Variants in USP54 observed in about 807,000 individuals in gnomAD.
The protein encoded by USP54 is ubiquitin specific peptidase 54.
A neutral mutation model predicts 170.5 loss-of-function variants in USP54; 87 were observed. The ratio of observed to expected loss-of-function variants is 0.51; its 90% confidence interval spans 0.43 to 0.61. USP54 has a LOEUF of 0.61. Ranked by LOEUF, USP54 falls within the 20% of genes least tolerant of loss-of-function variation. The pLI, the probability that USP54 is intolerant of heterozygous loss-of-function variation, is 0.00. For missense variants in USP54, 1,786 were observed against 2,047.8 expected, an observed-to-expected ratio of 0.87 and a Z score of 2.47; for synonymous variants, 655 against 742.8, an observed-to-expected ratio of 0.88 and a Z score of 1.92.
intron 1 of USP54, among the ~76,000 whole-genome samples, chr10:73,618,798 G>A (rs1195395642): frequency 6.8e-6 from 1 of 147,798 alleles, no homozygotes; most frequent in Admixed American, 6.7e-5. Context: ...TGTAATCTCA[G>A]CTACTCAGGA....
intron 9 of USP54, 47 bp from the exon 10 acceptor site, chr10:73,539,640 T>G (rs1185374621): frequency 6.5e-7 from 1 of 1,542,498 alleles, no homozygotes; most frequent in East Asian, 2.3e-5. Flanking sequence ...TATTCAACCA[T>G]TCCACATCAT....
At chr10:73,534,510 C>A (rs772570835) in intron 12 of USP54, 90 bp downstream of exon 12, 162 of 1,452,132 alleles carry the variant, frequency 1.1e-4, no homozygotes, top group Admixed American at 1.6e-4. Context: ...CAGGTGTGAG[C>A]CACTGCGCCT....
intron 3 of USP54, 73 bp downstream of exon 3, chr10:73,575,437 TAA>T: frequency 3.5e-6 from 5 of 1,435,674 alleles, no homozygotes; most frequent in Non-Finnish European, 2.8e-6. Flanking sequence ...ACATTTTATT[TAA>T]AAAGAGTTAT....
Position 73,588,515 on chromosome 10 carries a change from C to T in USP54, c.-582+2763G>A, listed in dbSNP as rs544710035. Reference sequence around the variant, plus strand: ...CTGCGATTACAGGCGTGAGCCACCGCGCCCAGCCTGGGAAAAATGTATTCT... The same window carrying T: ...CTGCGATTACAGGCGTGAGCCACCGTGCCCAGCCTGGGAAAAATGTATTCT... On this transcript the variant is annotated intron_variant, in intron 1 of 23. Transcript: ENST00000687698. Among the ~76,000 whole-genome samples, 238 of 152,364 alleles carry T rather than the reference C, an allele frequency of 1.6e-3. 1 individual carries two copies. The highest frequency in any genetic ancestry group is 5.5e-3 in the African/African-American group (227 of 41,592).
chr10:73,541,227 C>A (rs549976552), intron 9 of USP54, 148 bp downstream of exon 9: 3 of 1,180,260 alleles, frequency 2.5e-6, no homozygotes, highest in Non-Finnish European at 3.5e-6. Context: ...CCTGCAAGCA[C>A]GGGTATCTGT....
chr10:73,546,207 G>C (rs1590232223), intron 4 of USP54, among the ~76,000 whole-genome samples: 1 of 152,058 alleles, frequency 6.6e-6, no homozygotes, highest in Non-Finnish European at 1.5e-5. Context: ...CTAAAGTCTT[G>C]TTTAAGACTG....
Position 73,516,976 on chromosome 10 carries a change from G to A in USP54, c.3450C>T (p.Phe1150=). ...QGVSMRDSTG[F]KDRSLSGSLR... is the part of the protein sequence containing the mutation. The stretch of plus-strand genomic sequence containing the variant: ...GACTACCTGACAAACTTCTATCCTT[G>A]AAACCTGTACTATCCCTCATGGAGA... The change falls in exon 20 of 24, where the codon TTC becomes TTT. Residue 1150 remains phenylalanine, a synonymous_variant. Transcript: ENST00000687698. 1.9e-6 allele frequency: 3 copies of A among 1,614,180 alleles called. No individual in the cohort carries two copies. The highest frequency in any genetic ancestry group is 2.2e-5 in the South Asian group (2 of 91,084).
intron 1 of USP54, among the ~76,000 whole-genome samples, chr10:73,605,680 A>C (rs934049832): frequency 6.6e-6 from 1 of 152,204 alleles, no homozygotes; most frequent in African/African-American, 2.4e-5. Flanking sequence ...AATCTGATAC[A>C]TGCTACAACA....
chr10:73,575,621 C>G lies in USP54; in HGVS notation c.38G>C (p.Gly13Ala), dbSNP rs377270135. 6.2e-7 allele frequency: 1 copy of G among 1,611,214 alleles called. No individual in the cohort carries two copies. Among genetic ancestry groups the G allele is most frequent in the South Asian group, 1.1e-5 (1 of 90,256 alleles). ...WKRNYFSGGR[G>A]SVQGMFAPRS... ...AGGTGCAAACATCCCTTGTACACTA[C>G]CACGACCCCCTGAAAAATAATTTCT... The change falls in exon 3 of 24, where the codon GGT (glycine) becomes GCT (alanine). Residue 13 changes from glycine to alanine, a missense_variant. Physicochemically the swap from Gly to Ala is moderately conservative, Grantham distance 60. Transcript: ENST00000687698.
At position 73,619,532 on chromosome 10, in the gene USP54, C is replaced by CAA. The variant is rs536966553; in HGVS notation, c.-18+6033_-18+6034dup. On this transcript the variant is annotated intron_variant, in intron 1 of 22. Transcript: ENST00000339859. ...TGGGCGACAGAGCGAGACTCCATCT[C>CAA]AAAAAAAAAAAAAAAGAAAGAAAAA... Among the ~76,000 whole-genome samples, 165 of 97,640 alleles carry CAA rather than the reference C, an allele frequency of 1.7e-3. 9 individuals carry two copies. Among genetic ancestry groups the CAA allele is most frequent in the African/African-American group, 3.2e-3 (81 of 25,602 alleles). The allele number at this position is 97,640 out of a possible 152,430, so 64.1% of individuals were successfully genotyped here.
upstream of USP54, among the ~76,000 whole-genome samples, chr10:73,593,098 C>T (rs2078417661): frequency 6.6e-6 from 1 of 151,900 alleles, no homozygotes; most frequent in Non-Finnish European, 1.5e-5. Context: ...GGGGCTCACG[C>T]CTGTAATCCC....
intron 1 of USP54, among the ~76,000 whole-genome samples, chr10:73,606,094 C>T (rs565715381): frequency 1.6e-4 from 23 of 145,916 alleles, no homozygotes; most frequent in Middle Eastern, 3.5e-3. Flanking sequence ...AGGAGAATCA[C>T]TTGAACCCAG....
chr10:73,577,475 A>G (rs1215521190), intron 1 of USP54, among the ~76,000 whole-genome samples: 4 of 152,046 alleles, frequency 2.6e-5, no homozygotes, highest in Non-Finnish European at 5.9e-5. Context: ...CTCTATTTTT[A>G]TTACTCTCTG....
chr10:73,511,415 C>G (rs1224369523), intron 20 of USP54, among the ~76,000 whole-genome samples: 1 of 151,690 alleles, frequency 6.6e-6, no homozygotes. Flanking sequence ...AATCCCAGCA[C>G]TTTGGGAAGC....
chr10:73,544,653 C>G (rs532438305), intron 5 of USP54, among the ~76,000 whole-genome samples: 1 of 152,258 alleles, frequency 6.6e-6, no homozygotes, highest in African/African-American at 2.4e-5. Context: ...AGGAGCACCT[C>G]TGATTTGGGG....
At position 73,586,322 on chromosome 10, in the gene USP54, A is replaced by T. The variant is rs374513545; in HGVS notation, c.-582+4956T>A. Among the ~76,000 whole-genome samples the T allele has an allele frequency of 4.6e-5, 7 of 152,164 alleles. No homozygotes were observed. In the East Asian group the frequency reaches 5.8e-4, roughly 13 times the overall value. ...TGCTGAAAATCTTAACTATCCTACAAGGAAAAGCCTTCCCAGATCATTCTC... is the reference window on the plus strand; with the variant it reads ...TGCTGAAAATCTTAACTATCCTACATGGAAAAGCCTTCCCAGATCATTCTC... On this transcript the variant is annotated intron_variant, in intron 1 of 23. Transcript: ENST00000687698.
chr10:73,614,561 CAAAAA>C (rs60519884), intron 1 of USP54, among the ~76,000 whole-genome samples: 41 of 50,240 alleles, frequency 8.2e-4, no homozygotes, highest in African/African-American at 2.0e-3. Context: ...ACTCCGTCTC[CAAAAA>C]AAAAAAAAAA....
chr10:73,618,883 C>T (rs989377116), intron 1 of USP54, among the ~76,000 whole-genome samples: 28 of 150,020 alleles, frequency 1.9e-4, no homozygotes, highest in Admixed American at 9.2e-4. Flanking sequence ...TGCACTCTAG[C>T]CTGGGCAACA....
chr10:73,541,969 C>G, intron 7 of USP54: 1 of 525,850 alleles, frequency 1.9e-6, no homozygotes, highest in South Asian at 2.5e-5. Context: ...CAGTACTGAG[C>G]CTAAGAAAAG....
Sources: allele counts gnomAD v4.1 joint callset (sites outside exome capture counted in the v4.1 genomes callset), GRCh38; gene constraint gnomAD v4.1.1; transcripts MANE v1.5; gene names NCBI Gene and HGNC (gene_info 2026-07-23, HGNC 2026-07-21).